Variants in CCDC68 observed in about 807,000 individuals in gnomAD.
CCDC68 encodes the protein coiled-coil domain-containing protein 68.
CCDC68 carries 45 observed loss-of-function variants against 47.1 expected under a neutral mutation model. The observed-to-expected ratio is 0.96, with a 90% CI of 0.75 to 1.23. CCDC68 has a LOEUF of 1.23. Among genes scored for constraint, CCDC68 ranks in the 50% most tolerant of loss-of-function variants. The pLI, the probability that CCDC68 is intolerant of heterozygous loss-of-function variation, is 0.00. For missense variants in CCDC68, 353 were observed against 373.6 expected (o/e 0.94, Z 0.45); for synonymous variants, 131 against 129.5 (o/e 1.01, Z -0.08).
intron 7 of CCDC68, among the ~76,000 whole-genome samples, chr18:54,929,520 A>G (rs1034977611): frequency 6.6e-6 from 1 of 152,194 alleles, no homozygotes; most frequent in Admixed American, 6.5e-5. Context: ...ACCATGAAAA[A>G]CGAAGCTGAG....
At chr18:54,914,555 C>T (rs866578299) in intron 10 of CCDC68, among the ~76,000 whole-genome samples, 9 of 151,956 alleles carry the variant, frequency 5.9e-5, no homozygotes, top group African/African-American at 2.2e-4. Context: ...GAGGCCAAGG[C>T]TGCAGTGAGC....
intron 7 of CCDC68, among the ~76,000 whole-genome samples, chr18:54,930,629 C>CCCTTCCTT (rs1440211032): frequency 1.9e-4 from 2 of 10,276 alleles, no homozygotes; most frequent in African/African-American, 2.9e-4. Flanking sequence ...CCCTTCCCCT[C>CCCTTCCTT]CCTCCCTCCC....
chr18:54,911,799 T>C (rs1225037660), intron 10 of CCDC68, among the ~76,000 whole-genome samples: 1 of 152,144 alleles, frequency 6.6e-6, no homozygotes, highest in Non-Finnish European at 1.5e-5. Context: ...CAGAATAAGC[T>C]CCCAGTTTCT....
At chr18:54,953,537 CACAT>C (rs1330721995) in intron 1 of CCDC68, among the ~76,000 whole-genome samples, 107 of 113,022 alleles carry the variant, frequency 9.5e-4, no homozygotes, top group African/African-American at 4.0e-3. Flanking sequence ...CACACACACA[CACAT>C]ATATATATAT....
chr18:54,935,111 T>C (rs1480729580), intron 6 of CCDC68, among the ~76,000 whole-genome samples, 163 bp from the exon 7 acceptor site: 2 of 152,238 alleles, frequency 1.3e-5, no homozygotes, highest in Admixed American at 6.5e-5. Flanking sequence ...ATAACCCTGA[T>C]AGACTACAAC....
chr18:54,950,138 G>T (rs966256808), intron 1 of CCDC68, among the ~76,000 whole-genome samples: 1 of 152,166 alleles, frequency 6.6e-6, no homozygotes, highest in African/African-American at 2.4e-5. Flanking sequence ...ACTCTGGATT[G>T]CAATCAAGAG....
intron 1 of CCDC68, among the ~76,000 whole-genome samples, chr18:54,958,739 G>C (rs185858576): frequency 6.6e-6 from 1 of 152,124 alleles, no homozygotes; most frequent in East Asian, 1.9e-4. Context: ...GTGTTCCTTT[G>C]TCTAGCCGCC....
At chr18:54,924,235 G>C (rs1286497025) in intron 8 of CCDC68, among the ~76,000 whole-genome samples, 1 of 152,042 alleles carries the variant, frequency 6.6e-6, no homozygotes, top group Non-Finnish European at 1.5e-5. Context: ...TAGAATACAT[G>C]CTTTTCCCCA....
chr18:54,940,720 A>T (rs1010323101), intron 4 of CCDC68, among the ~76,000 whole-genome samples: 2 of 152,220 alleles, frequency 1.3e-5, no homozygotes, highest in African/African-American at 2.4e-5. Context: ...TCATTGGGAA[A>T]TGTTGCTGTC....
chr18:54,944,624 A>G (rs1206519822), intron 2 of CCDC68, among the ~76,000 whole-genome samples: 1 of 152,226 alleles, frequency 6.6e-6, no homozygotes, highest in Non-Finnish European at 1.5e-5. Flanking sequence ...CCAAAAGTAT[A>G]CTAAAACCTG....
At chr18:54,938,132 A>G (rs771483468) in intron 4 of CCDC68, 35 bp from the exon 5 acceptor site, 4 of 1,580,520 alleles carry the variant, frequency 2.5e-6, no homozygotes, top group Non-Finnish European at 3.4e-6. Context: ...AGACCTGACT[A>G]TCTTTTCCTC....
chr18:54,935,526 GTGTC>G (rs2044329055), intron 6 of CCDC68, among the ~76,000 whole-genome samples: 1 of 152,184 alleles, frequency 6.6e-6, no homozygotes, highest in Admixed American at 6.5e-5. Flanking sequence ...GGAAAAATAA[GTGTC>G]TGGCTTCCCT....
chr18:54,947,775 T>C (rs187555565), intron 1 of CCDC68, among the ~76,000 whole-genome samples: 8 of 152,280 alleles, frequency 5.3e-5, no homozygotes. Flanking sequence ...AAGAAGCAGG[T>C]TATATTTTAA....
intron 7 of CCDC68, among the ~76,000 whole-genome samples, chr18:54,931,425 A>T (rs1254330279): frequency 2.0e-5 from 3 of 152,192 alleles, no homozygotes; most frequent in Non-Finnish European, 4.4e-5. Context: ...GAGGGCACCA[A>T]TTTCAATCAT....
rs1273664406 is a variant in CCDC68, at chr18:54,901,518, G to A, written c.*2840C>T. The A allele has an allele frequency of 6.6e-6, 1 of 152,046 alleles. No homozygotes were observed. Among genetic ancestry groups the A allele is most frequent in the Non-Finnish European group, 1.5e-5 (1 of 68,010 alleles). 9.4% of individuals were successfully genotyped at this position (152,046 alleles called of 1,614,324 possible). ...CCAAAAAACTACTTAATTCATTTAT[G>A]CATAATTTTAATATAAAAAGAAAAC... On this transcript the variant is annotated 3_prime_UTR_variant, in exon 12 of 12. Transcript: ENST00000591504.
intron 9 of CCDC68, among the ~76,000 whole-genome samples, chr18:54,918,203 G>A (rs912840342): frequency 3.9e-5 from 6 of 152,226 alleles, no homozygotes; most frequent in Non-Finnish European, 8.8e-5. Flanking sequence ...AGCTGGTGCC[G>A]TGATTCACTT....
At chr18:54,912,985 T>A (rs1040247206) in intron 10 of CCDC68, among the ~76,000 whole-genome samples, 1 of 152,208 alleles carries the variant, frequency 6.6e-6, no homozygotes, top group Non-Finnish European at 1.5e-5. Flanking sequence ...ATGGGGATTA[T>A]GGGAGCTACA....
At chr18:54,957,924 A>T (rs1214048861) in intron 1 of CCDC68, 1 of 152,188 alleles carries the variant, frequency 6.6e-6, no homozygotes, top group Non-Finnish European at 1.5e-5. Context: ...AGGTTTGTCT[A>T]AATCTAGCTT....
At chr18:54,921,571 C>G (rs2044061154) in intron 8 of CCDC68, among the ~76,000 whole-genome samples, 1 of 152,110 alleles carries the variant, frequency 6.6e-6, no homozygotes, top group Non-Finnish European at 1.5e-5. Flanking sequence ...GGGAGTGAAG[C>G]AAATGAGGGG....
Sources: gnomAD v4.1 joint callset for allele counts (sites outside exome capture counted in the v4.1 genomes callset) on GRCh38, gnomAD v4.1.1 for gene constraint, MANE v1.5 for transcripts, NCBI Gene and HGNC (gene_info 2026-07-23, HGNC 2026-07-21) for gene names.